The following CUX1 variants were observed in gnomAD, a reference collection of about 807,000 sequenced individuals.
CUX1 encodes the protein cut like homeobox 1.
In CUX1, 31 loss-of-function variants were observed where a neutral mutation model predicts 158.8. That is an observed-to-expected ratio of 0.20 (90% CI 0.15 to 0.26). The LOEUF is 0.26. Among genes scored for constraint, CUX1 ranks in the 10% least tolerant of loss-of-function variants. The pLI is 1.00. For synonymous variants in CUX1, 879 were observed against 862.1 expected, an observed-to-expected ratio of 1.02 and a Z score of -0.34; for missense variants, 1,589 against 2,014.6, an observed-to-expected ratio of 0.79 and a Z score of 4.04.
intron 8 of CUX1, among the ~76,000 whole-genome samples, chr7:102,124,536 G>A (rs959238071): frequency 1.3e-5 from 2 of 152,204 alleles, no homozygotes; most frequent in Non-Finnish European, 2.9e-5. Context: ...CAACAACAAC[G>A]TGGATTCATC....
chr7:102,145,836 A>T (rs1834971454), intron 8 of CUX1, among the ~76,000 whole-genome samples: 1 of 152,112 alleles, frequency 6.6e-6, no homozygotes, highest in Non-Finnish European at 1.5e-5. Flanking sequence ...AATCCCAGCT[A>T]CTCATGAGAC....
Position 102,232,681 on chromosome 7 carries a change from G to T in CUX1, c.3434-1371G>T, listed in dbSNP as rs546521385. ...GGCCCTCTAAACCAGCAGCGGAATG[G>T]CCCTCAGAGAAGTGAGCCTTTCTTT... On this transcript the variant is annotated intron_variant, in intron 21 of 23. Transcript: ENST00000292535. 3.3e-5 allele frequency among the ~76,000 whole-genome samples: 5 copies of T among 152,174 alleles called. No individual in the cohort carries two copies. In the South Asian group the frequency reaches 8.3e-4, roughly 25 times the overall value.
chr7:102,026,548 G>A (rs1478020487), intron 2 of CUX1, among the ~76,000 whole-genome samples: 9 of 151,958 alleles, frequency 5.9e-5, no homozygotes, highest in Non-Finnish European at 1.3e-4. Context: ...GGCCTAGCCC[G>A]GTGGCTCATG....
intron 6 of CUX1, among the ~76,000 whole-genome samples, chr7:102,107,770 C>A (rs1311563665): frequency 1.3e-5 from 2 of 152,202 alleles, no homozygotes; most frequent in East Asian, 3.8e-4. Context: ...CTTTGCAACT[C>A]CAGACTGGCA....
In CUX1 at chr7:102,204,588, G is replaced by GC. The variant is rs562450680; in HGVS notation, c.3073+39dup. On this transcript the variant is annotated intron_variant, in intron 19 of 23. Coordinates refer to ENST00000292535, the MANE Select transcript of CUX1 (RefSeq NM_181552.4). ...GGGGTCCTGCCACAGGAGAGGGGCTGCCCCCCCATAGCAAGGACCTGGTCA... is the reference window on the plus strand; with the variant it reads ...GGGGTCCTGCCACAGGAGAGGGGCTGCCCCCCCCATAGCAAGGACCTGGTCA... The GC allele has an allele frequency of 4.2e-4, 671 of 1,605,054 alleles. 3 individuals are homozygous for GC. The East Asian group carries it at 8.8e-3, about 21-fold the overall frequency.
chr7:102,075,008 G>A (rs1278133938), intron 4 of CUX1, among the ~76,000 whole-genome samples: 8 of 152,096 alleles, frequency 5.3e-5, no homozygotes, highest in South Asian at 4.1e-4. Flanking sequence ...ACAGGCGTGC[G>A]CCACCACACC....
Position 102,281,688 on chromosome 7 carries a change from A to G in CUX1, c.1822-152A>G, listed in dbSNP as rs1387438777. On this transcript the variant is annotated intron_variant, in intron 20 of 22. Transcript: ENST00000292538. ...AAAAAAAAAAGAATTCCAGCAGCCC[A>G]TGTCCCTGGCCCATAATGATGGAAT... is the stretch of plus-strand genomic sequence containing the variant. 4 of 619,850 alleles carry G rather than the reference A, an allele frequency of 6.5e-6. No homozygotes were observed. The African/African-American group carries it at 7.4e-5, about 12-fold the overall frequency. The allele number at this position is 619,850 out of a possible 1,614,324, so 38.4% of individuals were successfully genotyped here.
At chr7:102,128,754 G>T (rs781791234) in intron 8 of CUX1, among the ~76,000 whole-genome samples, 4 of 151,970 alleles carry the variant, frequency 2.6e-5, no homozygotes, top group African/African-American at 4.8e-5. Context: ...AAGGCAGGTG[G>T]ATCACTTGAG....
At chr7:101,862,811 A>G (rs1797598626) in intron 1 of CUX1, among the ~76,000 whole-genome samples, 2 of 152,120 alleles carry the variant, frequency 1.3e-5, no homozygotes, top group African/African-American at 4.8e-5. Context: ...TTTAGAGCTC[A>G]GAGAGGATAA....
intron 2 of CUX1, among the ~76,000 whole-genome samples, chr7:101,921,151 G>A (rs572835856): frequency 3.3e-5 from 5 of 152,138 alleles, no homozygotes; most frequent in African/African-American, 4.8e-5. Context: ...TACTTAAGGC[G>A]ACATACTTAG....
intron 22 of CUX1, among the ~76,000 whole-genome samples, chr7:102,238,664 C>A (rs1430033686): frequency 6.6e-6 from 1 of 152,148 alleles, no homozygotes; most frequent in African/African-American, 2.4e-5. Context: ...CCAGGCCTGG[C>A]CGAGGAACTC....
intron 8 of CUX1, among the ~76,000 whole-genome samples, chr7:102,144,477 C>G (rs562106026): frequency 6.6e-6 from 1 of 152,040 alleles, no homozygotes; most frequent in South Asian, 2.1e-4. Context: ...ACACACATAT[C>G]CTCACAATAA....
chr7:102,186,882 A>T (rs1343395262), intron 11 of CUX1: 2 of 152,086 alleles, frequency 1.3e-5, no homozygotes, highest in African/African-American at 4.8e-5. Context: ...AAAATAGAAA[A>T]ATTAGCCAGA....
chr7:101,965,059 A>G (rs1050776683), intron 2 of CUX1, among the ~76,000 whole-genome samples: 20 of 152,210 alleles, frequency 1.3e-4, no homozygotes, highest in African/African-American at 4.6e-4. Flanking sequence ...CCTGACAACC[A>G]TGAACCTACT....
chr7:101,825,806 C>T (rs927084763), intron 1 of CUX1, among the ~76,000 whole-genome samples: 39 of 133,722 alleles, frequency 2.9e-4, no homozygotes, highest in South Asian at 1.7e-3. Context: ...TGTGCGCGCG[C>T]GCGCGCAGTT....
At chr7:101,940,306 C>A (rs1461267690) in intron 2 of CUX1, among the ~76,000 whole-genome samples, 1 of 151,646 alleles carries the variant, frequency 6.6e-6, no homozygotes, top group South Asian at 2.1e-4. Context: ...TCTGGTGTCA[C>A]CAGTGGAAAA....
chr7:102,045,592 G>A (rs1822669743), intron 3 of CUX1, among the ~76,000 whole-genome samples: 1 of 152,288 alleles, frequency 6.6e-6, no homozygotes, highest in East Asian at 1.9e-4. Flanking sequence ...ACGGCAAGCT[G>A]GAGCGATTAC....
chr7:102,166,672 C>G (rs1279914096), intron 9 of CUX1, among the ~76,000 whole-genome samples: 1 of 152,252 alleles, frequency 6.6e-6, no homozygotes, highest in Non-Finnish European at 1.5e-5. Flanking sequence ...AGCTCCAGAT[C>G]AGTGTCTGTT....
intron 1 of CUX1, among the ~76,000 whole-genome samples, chr7:101,898,503 C>T (rs912188426): frequency 3.3e-5 from 5 of 150,838 alleles, no homozygotes; most frequent in Admixed American, 1.3e-4. Context: ...CTTCTTGGGG[C>T]GGCTTCCTGT....
Sources: allele counts gnomAD v4.1 joint callset (sites outside exome capture counted in the v4.1 genomes callset), GRCh38; gene constraint gnomAD v4.1.1; transcripts MANE v1.5; gene names NCBI Gene and HGNC (gene_info 2026-07-23, HGNC 2026-07-21).